Variants in NKAIN2 observed in about 807,000 individuals in gnomAD.
The protein encoded by NKAIN2 is sodium/potassium-transporting ATPase subunit beta-1-interacting protein 2.
In NKAIN2, 14 loss-of-function variants were observed where a neutral mutation model predicts 32.6. The ratio of observed to expected loss-of-function variants is 0.43; its 90% CI spans 0.28 to 0.67. The LOEUF (loss-of-function observed/expected upper bound fraction) is 0.67, where lower values mean the gene tolerates loss of function less well. NKAIN2 is among the 30% of genes least tolerant of loss of function. NKAIN2 has a pLI of 0.17. For missense variants in NKAIN2, 198 were observed against 258.3 expected (o/e 0.77, Z 1.60); for synonymous variants, 80 against 87.2 (o/e 0.92, Z 0.46).
chr6:124,320,896 G>A (rs1053043888), intron 2 of NKAIN2, among the ~76,000 whole-genome samples: 3 of 152,080 alleles, frequency 2.0e-5, no homozygotes, highest in African/African-American at 7.2e-5. Context: ...CCAAGGATGA[G>A]AAATGAGGAC....
intron 1 of NKAIN2, among the ~76,000 whole-genome samples, chr6:124,062,980 G>A (rs1409081354): frequency 6.6e-6 from 1 of 152,034 alleles, no homozygotes; most frequent in East Asian, 1.9e-4. Flanking sequence ...GGATCACGAG[G>A]TCAGGAGTTC....
chr6:124,701,627 A>G (rs1774797331), intron 4 of NKAIN2, among the ~76,000 whole-genome samples: 1 of 152,112 alleles, frequency 6.6e-6, no homozygotes, highest in African/African-American at 2.4e-5. Context: ...CAGGAGAAAA[A>G]GAAGCATGAC....
intron 1 of NKAIN2, among the ~76,000 whole-genome samples, chr6:124,220,154 A>G (rs1393576825): frequency 6.6e-6 from 1 of 152,132 alleles, no homozygotes; most frequent in Admixed American, 6.5e-5. Flanking sequence ...TCTTCTCATA[A>G]TAGTGAGTGA....
intron 3 of NKAIN2, among the ~76,000 whole-genome samples, chr6:124,427,103 A>G (rs1194643175): frequency 6.6e-6 from 1 of 152,192 alleles, no homozygotes; most frequent in East Asian, 1.9e-4. Context: ...TCATTTCTTT[A>G]AAAGTTAAAT....
intron 1 of NKAIN2, among the ~76,000 whole-genome samples, chr6:124,272,366 G>C (rs931625790): frequency 6.6e-6 from 1 of 152,154 alleles, no homozygotes. Context: ...AGGGACCAAC[G>C]TACAGCTCAG....
At chr6:124,327,973 A>G (rs886218132) in intron 2 of NKAIN2, among the ~76,000 whole-genome samples, 2 of 152,204 alleles carry the variant, frequency 1.3e-5, no homozygotes, top group African/African-American at 4.8e-5. Context: ...ATTTAGATAA[A>G]CATTCAGAAT....
At chr6:124,393,839 C>T (rs1773246388) in intron 3 of NKAIN2, among the ~76,000 whole-genome samples, 1 of 152,166 alleles carries the variant, frequency 6.6e-6, no homozygotes, top group South Asian at 2.1e-4. Flanking sequence ...AGTTAGAATT[C>T]TGTGAACTGT....
Position 123,830,413 on chromosome 6 carries a change from T to G in NKAIN2, c.54+26159T>G, listed in dbSNP as rs955493522. 4.6e-5 allele frequency among the ~76,000 whole-genome samples: 7 copies of G among 152,242 alleles called. No homozygotes were observed. In the South Asian group the frequency reaches 1.5e-3, roughly 32 times the overall value. On this transcript the variant is annotated intron_variant, in intron 1 of 6. Transcript: ENST00000368417. ...CAAGGACATGCCTGGCCTAACCCCT[T>G]CCCTGTCTCACTCCCCTTTGCTAAT...
intron 1 of NKAIN2, among the ~76,000 whole-genome samples, chr6:124,042,884 ATTTTTCATATT>A (rs1317176001): frequency 6.6e-6 from 1 of 152,096 alleles, no homozygotes; most frequent in Non-Finnish European, 1.5e-5. Context: ...TGTAACAGGA[ATTTTTCATATT>A]AGGATGAATG....
intron 3 of NKAIN2, among the ~76,000 whole-genome samples, chr6:124,361,159 G>A (rs1214222635): frequency 6.6e-6 from 1 of 151,984 alleles, no homozygotes; most frequent in African/African-American, 2.4e-5. Context: ...ATAATATGGT[G>A]ATTAATCTAT....
At chr6:124,238,949 G>T (rs959140667) in intron 1 of NKAIN2, among the ~76,000 whole-genome samples, 1 of 151,826 alleles carries the variant, frequency 6.6e-6, no homozygotes, top group Non-Finnish European at 1.5e-5. Context: ...AAATGTAAAT[G>T]GGCTAAATGC....
At chr6:124,637,492 A>T (rs573785165) in intron 3 of NKAIN2, among the ~76,000 whole-genome samples, 10 of 152,168 alleles carry the variant, frequency 6.6e-5, no homozygotes, top group African/African-American at 2.2e-4. Context: ...TTATTTAGAA[A>T]ATAAATTTTT....
At chr6:124,543,456 C>T (rs1188449352) in intron 3 of NKAIN2, among the ~76,000 whole-genome samples, 1 of 152,054 alleles carries the variant, frequency 6.6e-6, no homozygotes, top group Non-Finnish European at 1.5e-5. Flanking sequence ...AACTTCTAAA[C>T]AAAACACACT....
chr6:123,923,767 A>G (rs7767683), intron 1 of NKAIN2, among the ~76,000 whole-genome samples: 45,282 of 133,852 alleles, frequency 0.34, 8,069 homozygotes, highest in East Asian at 0.64. Context: ...CAGGAAGGGG[A>G]ACATCACATT....
chr6:124,706,419 A>C (rs1775067407), intron 4 of NKAIN2, among the ~76,000 whole-genome samples: 1 of 152,144 alleles, frequency 6.6e-6, no homozygotes, highest in Non-Finnish European at 1.5e-5. Context: ...ATATTGAATT[A>C]AAATAAGCGA....
At chr6:124,203,988 A>G (rs1240620364) in intron 1 of NKAIN2, among the ~76,000 whole-genome samples, 2 of 151,902 alleles carry the variant, frequency 1.3e-5, no homozygotes, top group African/African-American at 4.8e-5. Context: ...AGCATTCAAC[A>G]GGAGATCAAT....
At chr6:124,403,962 C>T (rs1019081664) in intron 3 of NKAIN2, among the ~76,000 whole-genome samples, 63 of 152,088 alleles carry the variant, frequency 4.1e-4, no homozygotes, top group African/African-American at 1.5e-3. Flanking sequence ...ATTTTAAAGC[C>T]TATGCAAGTT....
intron 3 of NKAIN2, among the ~76,000 whole-genome samples, chr6:124,476,484 T>C (rs1312173644): frequency 6.6e-6 from 1 of 151,828 alleles, no homozygotes; most frequent in Non-Finnish European, 1.5e-5. Flanking sequence ...TTGACAGGCA[T>C]GTTTAAGGCA....
chr6:124,202,104 T>C (rs995342182), intron 1 of NKAIN2, among the ~76,000 whole-genome samples: 5 of 151,824 alleles, frequency 3.3e-5, no homozygotes, highest in African/African-American at 4.8e-5. Context: ...AAGATGTGTA[T>C]GTCTGAAAAA....
Sources: gnomAD v4.1 joint callset for allele counts (sites outside exome capture counted in the v4.1 genomes callset) on GRCh38, gnomAD v4.1.1 for gene constraint, MANE v1.5 for transcripts, NCBI Gene and HGNC (gene_info 2026-07-23, HGNC 2026-07-21) for gene names.